The following GPC5 variants were observed in gnomAD, a reference collection of about 807,000 sequenced individuals.
GPC5 encodes the protein glypican-5.
In GPC5, 47 loss-of-function variants were observed where a neutral mutation model predicts 53.9. The ratio of observed to expected loss-of-function variants is 0.87; its 90% CI spans 0.69 to 1.11. The LOEUF is 1.11. Ranked by LOEUF, GPC5 falls within the 50% of genes most tolerant of loss-of-function variation. The pLI is 0.00. For missense variants in GPC5, 748 were observed against 713.1 expected (o/e 1.05, Z -0.56); for synonymous variants, 286 against 263.3 (o/e 1.09, Z -0.84).
chr13:91,571,848 T>C (rs1184369209), intron 2 of GPC5, among the ~76,000 whole-genome samples: 1 of 88,544 alleles, frequency 1.1e-5, no homozygotes, highest in Admixed American at 1.1e-4. Context: ...CTTGTGTGTA[T>C]ATACACATAT....
At chr13:92,806,742 C>A (rs1036371880) in intron 7 of GPC5, among the ~76,000 whole-genome samples, 1 of 152,008 alleles carries the variant, frequency 6.6e-6, no homozygotes, top group Non-Finnish European at 1.5e-5. Context: ...TAATTAAGTT[C>A]ACTGTCTTAT....
chr13:92,078,096 G>A (rs1235273242), intron 6 of GPC5, among the ~76,000 whole-genome samples: 2 of 151,990 alleles, frequency 1.3e-5, no homozygotes, highest in African/African-American at 4.8e-5. Flanking sequence ...AAGTATGAGA[G>A]AGACAAGTGA....
chr13:92,738,129 A>G (rs1028492071), intron 7 of GPC5, among the ~76,000 whole-genome samples: 7 of 151,986 alleles, frequency 4.6e-5, no homozygotes, highest in South Asian at 2.1e-4. Flanking sequence ...TCTAAAATGT[A>G]TTGGTTCGAG....
At chr13:92,445,968 A>T (rs973755251) in intron 7 of GPC5, among the ~76,000 whole-genome samples, 27 of 151,860 alleles carry the variant, frequency 1.8e-4, no homozygotes, top group African/African-American at 6.5e-4. Context: ...AATTTTTCTG[A>T]GTACATAGTA....
chr13:92,403,771 G>A (rs1875666875), intron 7 of GPC5, among the ~76,000 whole-genome samples: 1 of 152,080 alleles, frequency 6.6e-6, no homozygotes, highest in Non-Finnish European at 1.5e-5. Context: ...AACTGCGAAG[G>A]TGTAATACAA....
intron 6 of GPC5, among the ~76,000 whole-genome samples, chr13:92,048,974 T>A (rs1323678895): frequency 6.6e-6 from 1 of 152,204 alleles, no homozygotes; most frequent in Non-Finnish European, 1.5e-5. Context: ...AGATTTATTT[T>A]AATATGAGTA....
At chr13:92,420,991 CA>C (rs1381348548) in intron 7 of GPC5, among the ~76,000 whole-genome samples, 1 of 152,184 alleles carries the variant, frequency 6.6e-6, no homozygotes, top group Non-Finnish European at 1.5e-5. Flanking sequence ...TAACTAGCCA[CA>C]AATGGAATGA....
At chr13:91,825,712 A>G (rs1453931453) in intron 5 of GPC5, among the ~76,000 whole-genome samples, 1 of 152,086 alleles carries the variant, frequency 6.6e-6, no homozygotes, top group African/African-American at 2.4e-5. Context: ...GACTCACGTG[A>G]TACCAGTTGG....
intron 5 of GPC5, among the ~76,000 whole-genome samples, chr13:91,804,389 C>A (rs1335449572): frequency 2.0e-5 from 3 of 152,226 alleles, no homozygotes; most frequent in Non-Finnish European, 4.4e-5. Context: ...CATCTTATTG[C>A]CACTTCAAAG....
intron 7 of GPC5, among the ~76,000 whole-genome samples, chr13:92,660,796 T>C (rs1375261175): frequency 6.6e-6 from 1 of 152,166 alleles, no homozygotes; most frequent in Non-Finnish European, 1.5e-5. Flanking sequence ...ATGGAAATAT[T>C]CCCTAAATCA....
intron 7 of GPC5, among the ~76,000 whole-genome samples, chr13:92,188,730 T>C (rs2042201681): frequency 6.6e-6 from 1 of 152,226 alleles, no homozygotes; most frequent in African/African-American, 2.4e-5. Context: ...CAGCAATATG[T>C]TTAATTTTTA....
At chr13:92,630,627 C>T (rs1885205196) in intron 7 of GPC5, among the ~76,000 whole-genome samples, 1 of 152,124 alleles carries the variant, frequency 6.6e-6, no homozygotes, top group East Asian at 1.9e-4. Flanking sequence ...ACCACCATGG[C>T]ACGTGTATAC....
At chr13:92,678,061 G>A (rs1357882751) in intron 7 of GPC5, among the ~76,000 whole-genome samples, 3 of 152,112 alleles carry the variant, frequency 2.0e-5, no homozygotes, top group Admixed American at 6.6e-5. Context: ...TGTGTTTAGA[G>A]GATAAGAGTT....
chr13:92,225,042 T>C (rs1345736263), intron 7 of GPC5, among the ~76,000 whole-genome samples: 1 of 152,138 alleles, frequency 6.6e-6, no homozygotes, highest in African/African-American at 2.4e-5. Context: ...TTCCATCTTC[T>C]ATACCTTTGC....
chr13:91,510,828 G>A (rs756724012), intron 2 of GPC5, among the ~76,000 whole-genome samples: 6 of 151,860 alleles, frequency 4.0e-5, no homozygotes, highest in Admixed American at 1.3e-4. Flanking sequence ...AACTTTTTCA[G>A]TTGTTTTATT....
intron 2 of GPC5, among the ~76,000 whole-genome samples, chr13:91,568,758 C>CTT (rs745597285): frequency 9.4e-5 from 13 of 138,768 alleles, no homozygotes; most frequent in South Asian, 2.3e-4. Flanking sequence ...TTCTTTCTTT[C>CTT]TTTTTTTTTT....
intron 2 of GPC5, among the ~76,000 whole-genome samples, chr13:91,640,015 CT>C (rs138576107): frequency 8.0e-4 from 119 of 149,204 alleles, no homozygotes; most frequent in African/African-American, 2.8e-3. Context: ...TTCTCATACT[CT>C]TTTTTTTTTC....
chr13:92,458,225 G>A (rs560365746), intron 7 of GPC5, among the ~76,000 whole-genome samples: 2 of 150,364 alleles, frequency 1.3e-5, no homozygotes, highest in African/African-American at 2.5e-5. Context: ...CTTAAAGGCT[G>A]GGGAATGTTC....
intron 5 of GPC5, among the ~76,000 whole-genome samples, chr13:91,846,064 C>A (rs1199383506): frequency 6.6e-6 from 1 of 152,086 alleles, no homozygotes; most frequent in Non-Finnish European, 1.5e-5. Flanking sequence ...GAAATCTATG[C>A]AAATTAAATG....
Sources: gnomAD v4.1 joint callset for allele counts (sites outside exome capture counted in the v4.1 genomes callset) on GRCh38, gnomAD v4.1.1 for gene constraint, MANE v1.5 for transcripts, NCBI Gene and HGNC (gene_info 2026-07-23, HGNC 2026-07-21) for gene names.